Variants in ROBO2 observed in about 807,000 individuals in gnomAD.
ROBO2 encodes roundabout homolog 2.
A neutral mutation model predicts 160.8 loss-of-function variants in ROBO2; 53 were observed. The ratio of observed to expected loss-of-function variants is 0.33; its 90% CI spans 0.26 to 0.41. The LOEUF (loss-of-function observed/expected upper bound fraction) is 0.41. Among genes scored for constraint, ROBO2 ranks in the 10% least tolerant of loss-of-function variants. The probability of loss-of-function intolerance (pLI) is 1.00; values close to 1 mark genes in which losing one functional copy is unlikely to be tolerated. For synonymous variants in ROBO2, 664 were observed against 611.7 expected, an observed-to-expected ratio of 1.09 and a Z score of -1.26; for missense variants, 1,577 against 1,722.4, an observed-to-expected ratio of 0.92 and a Z score of 1.49.
At chr3:77,011,556 G>A (rs2061923576) in intron 2 of ROBO2, among the ~76,000 whole-genome samples, 1 of 151,882 alleles carries the variant, frequency 6.6e-6, no homozygotes, top group Admixed American at 6.6e-5. Flanking sequence ...TATAGGGTAA[G>A]GGGAGGGTGA....
At chr3:77,023,167 A>C (rs1307884554) in intron 2 of ROBO2, among the ~76,000 whole-genome samples, 1 of 152,134 alleles carries the variant, frequency 6.6e-6, no homozygotes, top group Non-Finnish European at 1.5e-5. Context: ...CGCTATTCTC[A>C]TGATAGTGAA....
At chr3:77,643,421 T>C (rs1238706620) in intron 24 of ROBO2, among the ~76,000 whole-genome samples, 3 of 152,218 alleles carry the variant, frequency 2.0e-5, no homozygotes, top group Non-Finnish European at 2.9e-5. Flanking sequence ...GATAAGGTTA[T>C]ACTGGGCTTG....
chr3:76,007,189 T>C (rs2066045484), intron 2 of ROBO2, among the ~76,000 whole-genome samples: 2 of 152,142 alleles, frequency 1.3e-5, no homozygotes, highest in African/African-American at 2.4e-5. Flanking sequence ...AGTTGTATTA[T>C]TGCATATTAA....
intron 2 of ROBO2, among the ~76,000 whole-genome samples, chr3:77,451,767 C>CT (rs2081135102): frequency 1.3e-5 from 1 of 78,372 alleles, no homozygotes; most frequent in Admixed American, 9.8e-5. Context: ...AAAAGCAAAT[C>CT]CTTTTTTTTT....
At position 77,634,943 on chromosome 3, in the gene ROBO2, C is replaced by A. The variant is rs781722303; in HGVS notation, c.3834C>A (p.Ala1278=). The change falls in exon 24 of 26, where the codon GCC becomes GCA. Residue 1278 remains alanine, a synonymous_variant. Transcript: ENST00000461745. ...CTACTGACAGTAACACCAGTGCAGC[C>A]CTGAGTCAAAGTCAGAGGCCTCGGC... The A allele has an allele frequency of 9.3e-5, 150 of 1,614,004 alleles. No individual in the cohort carries two copies. Among genetic ancestry groups the A allele is most frequent in the Non-Finnish European group, 1.1e-4 (130 of 1,180,018 alleles).
intron 2 of ROBO2, among the ~76,000 whole-genome samples, chr3:77,465,745 A>T: frequency 6.6e-6 from 1 of 152,192 alleles, no homozygotes; most frequent in Middle Eastern, 3.2e-3. Flanking sequence ...AGTATTACTT[A>T]TACCTTAAAA....
chr3:76,587,120 T>TA (rs1235680090), intron 2 of ROBO2, among the ~76,000 whole-genome samples: 1 of 152,194 alleles, frequency 6.6e-6, no homozygotes, highest in Non-Finnish European at 1.5e-5. Context: ...TCCTAGTTAT[T>TA]ACGCCCATTG....
chr3:75,945,305 G>C (rs1035615455), intron 2 of ROBO2, among the ~76,000 whole-genome samples: 2 of 152,102 alleles, frequency 1.3e-5, no homozygotes, highest in African/African-American at 4.8e-5. Context: ...GGATAGTCAA[G>C]AAAGGCCACA....
chr3:76,641,862 C>T (rs1336054728), intron 2 of ROBO2, among the ~76,000 whole-genome samples: 2 of 152,064 alleles, frequency 1.3e-5, no homozygotes, highest in African/African-American at 4.8e-5. Flanking sequence ...CTCAGCCTCC[C>T]GAGCAGCCAG....
intron 2 of ROBO2, among the ~76,000 whole-genome samples, chr3:76,586,374 A>G (rs1315214339): frequency 6.6e-6 from 1 of 152,212 alleles, no homozygotes; most frequent in Non-Finnish European, 1.5e-5. Context: ...TTTTGGAATT[A>G]TCTTTCAAGA....
chr3:76,346,485 T>C (rs2074539298), intron 2 of ROBO2, among the ~76,000 whole-genome samples: 1 of 152,126 alleles, frequency 6.6e-6, no homozygotes, highest in African/African-American at 2.4e-5. Context: ...ACTTTCTGGT[T>C]TTGGTTCCAT....
chr3:77,580,204 A>T, intron 16 of ROBO2, 86 bp downstream of exon 17: 1 of 1,196,638 alleles, frequency 8.4e-7, no homozygotes, highest in African/African-American at 1.5e-5. Context: ...ACTAATAGTG[A>T]ATATACACTT....
chr3:76,965,921 C>CTT lies in ROBO2; in HGVS notation c.110-132076_110-132075dup, dbSNP rs1168083048. Among the ~76,000 whole-genome samples, 666 of 114,080 alleles carry CTT rather than the reference C, an allele frequency of 5.8e-3. 6 individuals are homozygous for CTT. The highest frequency in any genetic ancestry group is 8.2e-3 in the Non-Finnish European group (464 of 56,388). The allele number at this position is 114,080 out of a possible 152,430, so 74.8% of individuals were successfully genotyped here. On this transcript the variant is annotated intron_variant, in intron 2 of 26. Transcript: ENST00000487694. ...ATGATTTTTTAGCTAGGCATATTTT[C>CTT]TTTTTTTTTTTTTTTTTTGAGACGG...
intron 2 of ROBO2, among the ~76,000 whole-genome samples, chr3:76,315,894 G>T (rs563011133): frequency 7.2e-5 from 11 of 152,148 alleles, no homozygotes; most frequent in African/African-American, 2.2e-4. Flanking sequence ...AGTGTCGGCC[G>T]GTCTGAGAAA....
intron 4 of ROBO2, among the ~76,000 whole-genome samples, chr3:77,485,831 T>G (rs1446094552): frequency 3.3e-5 from 5 of 152,158 alleles, no homozygotes; most frequent in African/African-American, 1.2e-4. Context: ...GTAGGTTTGT[T>G]ACCTAGGTAA....
exon 5 of ROBO2, chr3:77,493,295 A>G (rs745749069): frequency 1.9e-6 from 3 of 1,614,070 alleles, no homozygotes; most frequent in Non-Finnish European, 1.7e-6. Flanking sequence ...CTGGAGGAAG[A>G]AGCTGTAGAA....
At chr3:76,561,124 A>G (rs2108492129) in intron 2 of ROBO2, among the ~76,000 whole-genome samples, 1 of 151,792 alleles carries the variant, frequency 6.6e-6, no homozygotes, top group Middle Eastern at 3.4e-3. Context: ...AAATATATAC[A>G]TATGATGTCC....
intron 2 of ROBO2, among the ~76,000 whole-genome samples, chr3:76,834,115 TCTCTGTCTCTCCTTCC>T (rs1251826638): frequency 1.4e-5 from 2 of 144,850 alleles, no homozygotes; most frequent in East Asian, 2.1e-4. Flanking sequence ...TCTTTCTTTC[TCTCTGTCTCTCCTTCC>T]TTCTTTCCTT....
intron 2 of ROBO2, among the ~76,000 whole-genome samples, chr3:77,367,191 T>C (rs574038142): frequency 1.3e-5 from 2 of 152,268 alleles, no homozygotes; most frequent in East Asian, 3.9e-4. Flanking sequence ...TACCGTATGA[T>C]CATATTTTTA....
Sources: allele counts gnomAD v4.1 joint callset (sites outside exome capture counted in the v4.1 genomes callset), GRCh38; gene constraint gnomAD v4.1.1; transcripts MANE v1.5; gene names NCBI Gene and HGNC (gene_info 2026-07-23, HGNC 2026-07-21).